The following IL21R variants were observed in gnomAD, a reference collection of about 807,000 sequenced individuals.
IL21R encodes the protein interleukin 21 receptor.
Under a neutral mutation model 41.3 loss-of-function variants are expected in IL21R, and 14 were observed. The observed-to-expected ratio is 0.34, with a 90% CI of 0.22 to 0.53. The LOEUF (loss-of-function observed/expected upper bound fraction) is 0.53. Among genes scored for constraint, IL21R ranks in the 20% least tolerant of loss-of-function variants. The pLI, the probability that IL21R is intolerant of heterozygous loss-of-function variation, is 0.94. For synonymous variants in IL21R, 286 were observed against 287.6 expected, an observed-to-expected ratio of 0.99 and a Z score of 0.05; for missense variants, 588 against 681.6, an observed-to-expected ratio of 0.86 and a Z score of 1.53.
intron 1 of IL21R, among the ~76,000 whole-genome samples, chr16:27,418,774 T>A (rs2086948393): frequency 6.6e-6 from 1 of 152,138 alleles, no homozygotes. Flanking sequence ...TTTCGTGCAC[T>A]CTTGTACTAA....
At chr16:27,442,884 A>G (rs2087413996) in intron 4 of IL21R, 78 bp from the exon 5 acceptor site, 2 of 1,346,770 alleles carry the variant, frequency 1.5e-6, no homozygotes, top group African/African-American at 1.5e-5. Flanking sequence ...GGCAGGCAGG[A>G]CTTCCTCCCA....
At position 27,449,156 on chromosome 16, in the gene IL21R, C is replaced by T; in HGVS notation, c.1490C>T (p.Ser497Phe). ...MDTFDSGFVGSDCSSPVECDF... is the reference protein window; with the variant it reads ...MDTFDSGFVGFDCSSPVECDF... ...ACGTTTGACAGTGGCTTTGTGGGCT[C>T]TGACTGCAGCAGCCCTGTGGAGTGT... The change falls in exon 9 of 9, where the codon TCT (serine) becomes TTT (phenylalanine). Residue 497 changes from serine to phenylalanine, a missense_variant. Coordinates refer to ENST00000337929, the MANE Select transcript of IL21R (RefSeq NM_181078.3). The T allele has an allele frequency of 6.2e-7, 1 of 1,613,218 alleles. No individual in the cohort carries two copies.
rs113693599 is a variant in IL21R at position 27,418,666 on chromosome 16, C to T, written c.-16-11390C>T. 8.5e-5 allele frequency among the ~76,000 whole-genome samples: 13 copies of T among 152,182 alleles called. 1 individual carries two copies. Among genetic ancestry groups the T allele is most frequent in the African/African-American group, 2.9e-4 (12 of 41,536 alleles). ...ATTACAGGCATGAGCCGCTGCGCCC[C>T]GCCAACATTTTTTCTTTATAAACAT... On this transcript the variant is annotated intron_variant, in intron 1 of 8. Coordinates refer to ENST00000337929, the MANE Select transcript of IL21R (RefSeq NM_181078.3).
intron 8 of IL21R, among the ~76,000 whole-genome samples, chr16:27,446,318 G>A (rs1454026169): frequency 1.3e-5 from 2 of 152,146 alleles, no homozygotes; most frequent in African/African-American, 4.8e-5. Context: ...TGTGGTGGCT[G>A]ACATCTGCAA....
At chr16:27,428,788 G>T (rs1846160538) in intron 1 of IL21R, among the ~76,000 whole-genome samples, 1 of 152,260 alleles carries the variant, frequency 6.6e-6, no homozygotes, top group Admixed American at 6.5e-5. Flanking sequence ...GTCAGGCCTG[G>T]ATTTCCTAGC....
intron 1 of IL21R, among the ~76,000 whole-genome samples, chr16:27,403,456 G>C (rs955287931): frequency 1.3e-5 from 2 of 152,192 alleles, no homozygotes; most frequent in Non-Finnish European, 2.9e-5. Context: ...GATTCCCTGG[G>C]GGGAGAGTGG....
At chr16:27,407,453 C>G (rs2086765152) in intron 1 of IL21R, among the ~76,000 whole-genome samples, 2 of 152,166 alleles carry the variant, frequency 1.3e-5, no homozygotes, top group Admixed American at 6.5e-5. Flanking sequence ...AGGAAAGAAG[C>G]TGGGGGAAAA....
intron 4 of IL21R, among the ~76,000 whole-genome samples, chr16:27,439,907 G>A (rs2087350291): frequency 1.3e-5 from 2 of 152,094 alleles, no homozygotes; most frequent in African/African-American, 2.4e-5. Flanking sequence ...AACATCTCCC[G>A]AGTACCCACG....
At chr16:27,402,949 G>C (rs2086682244) in intron 1 of IL21R, 6 of 362,902 alleles carry the variant, frequency 1.7e-5, no homozygotes, top group Non-Finnish European at 3.3e-5. Context: ...CCCGATTCTG[G>C]GCGGCTGAGT....
intron 1 of IL21R, among the ~76,000 whole-genome samples, chr16:27,405,077 G>T (rs1386728581): frequency 6.6e-6 from 1 of 151,568 alleles, no homozygotes; most frequent in Non-Finnish European, 1.5e-5. Context: ...CTGTTGCCCA[G>T]GCTGGAGTGC....
chr16:27,415,942 T>C (rs932501797), intron 1 of IL21R, among the ~76,000 whole-genome samples: 1 of 152,244 alleles, frequency 6.6e-6, no homozygotes, highest in African/African-American at 2.4e-5. Context: ...TTGTTATCTT[T>C]AATTCCATGT....
chr16:27,442,471 C>G (rs1489046751), intron 4 of IL21R, among the ~76,000 whole-genome samples: 1 of 152,216 alleles, frequency 6.6e-6, no homozygotes, highest in Non-Finnish European at 1.5e-5. Flanking sequence ...TCACGCCATT[C>G]TCCTGCCTCA....
At chr16:27,430,145 G>T in intron 2 of IL21R, 25 bp downstream of exon 2, 1 of 1,595,132 alleles carries the variant, frequency 6.3e-7, no homozygotes. Context: ...CGTGGTCTGC[G>T]GGTGGGGAGG....
Position 27,443,108 on chromosome 16 carries a change from T to C in IL21R, c.499T>C (p.Trp167Arg). Reference sequence around the variant, plus strand: ...GCAGTACAGGAACCGGGGAGACCCCTGGGCTGTGGTGAGGAATGTGGGGAT... The same window carrying C: ...GCAGTACAGGAACCGGGGAGACCCCCGGGCTGTGGTGAGGAATGTGGGGAT... ...ELQYRNRGDP[W>R]AVSPRRKLIS... is the part of the protein sequence containing the mutation. Residue 167 changes from tryptophan to arginine, a missense_variant, in exon 5 of 9, where the codon TGG (tryptophan) becomes CGG (arginine). Transcript: ENST00000337929. 6.2e-7 allele frequency: 1 copy of C among 1,609,884 alleles called. No individual in the cohort carries two copies. Among genetic ancestry groups the C allele is most frequent in the Non-Finnish European group, 8.5e-7 (1 of 1,178,148 alleles).
intron 1 of IL21R, among the ~76,000 whole-genome samples, chr16:27,411,911 C>A (rs867287796): frequency 3.9e-5 from 6 of 152,128 alleles, no homozygotes; most frequent in African/African-American, 1.4e-4. Context: ...TTGATTATTT[C>A]CTCTGCTGAA....
intron 1 of IL21R, among the ~76,000 whole-genome samples, chr16:27,419,820 TTATTA>T (rs2086970703): frequency 3.7e-4 from 3 of 8,090 alleles, no homozygotes; most frequent in East Asian, 0.14. Flanking sequence ...ACATAGTTTA[TTATTA>T]TTATTATTAT....
intron 1 of IL21R, among the ~76,000 whole-genome samples, chr16:27,408,371 G>A (rs558904088): frequency 3.3e-5 from 5 of 152,348 alleles, no homozygotes; most frequent in South Asian, 4.1e-4. Flanking sequence ...GCTGTCAGTG[G>A]TCTGATGAGC....
intron 1 of IL21R, among the ~76,000 whole-genome samples, chr16:27,414,694 A>G (rs977762061): frequency 2.0e-5 from 3 of 151,938 alleles, no homozygotes; most frequent in Non-Finnish European, 4.4e-5. Flanking sequence ...CATTTTTCCT[A>G]TTAGTTTGTT....
chr16:27,417,758 G>C (rs1182011814), intron 1 of IL21R, among the ~76,000 whole-genome samples: 2 of 152,154 alleles, frequency 1.3e-5, no homozygotes, highest in African/African-American at 2.4e-5. Flanking sequence ...CATAGAAAAG[G>C]TACAGTGAAA....
Sources: gnomAD v4.1 joint callset for allele counts (sites outside exome capture counted in the v4.1 genomes callset) on GRCh38, gnomAD v4.1.1 for gene constraint, MANE v1.5 for transcripts, NCBI Gene and HGNC (gene_info 2026-07-23, HGNC 2026-07-21) for gene names.